The following SPECC1L variants were observed in gnomAD, a reference collection of about 807,000 sequenced individuals.
The protein encoded by SPECC1L is cytospin-A.
A neutral mutation model predicts 116.8 loss-of-function variants in SPECC1L; 40 were observed. The observed-to-expected ratio is 0.34, with a 90% CI of 0.27 to 0.45. The LOEUF (loss-of-function observed/expected upper bound fraction) is 0.45. Ranked by LOEUF, SPECC1L falls within the 20% of genes least tolerant of loss-of-function variation. SPECC1L has a pLI of 1.00. For synonymous variants in SPECC1L, 504 were observed against 500.6 expected (o/e 1.01, Z -0.09); for missense variants, 1,110 against 1,373.6 (o/e 0.81, Z 3.03).
At position 24,313,399 on chromosome 22, in the gene SPECC1L, A is replaced by G. The variant is rs201347077; in HGVS notation, c.240A>G (p.Pro80=). The part of the protein sequence containing the change: ...NGVKGKKSTC[P]SAAPSASAPA... ...TTAAAGGAAAGAAAAGCACCTGCCC[A>G]TCTGCAGCACCTTCAGCATCTGCCC... Residue 80 remains proline (P), a synonymous_variant, in exon 4 of 17, where the codon CCA becomes CCG. Transcript: ENST00000314328. The G allele has an allele frequency of 1.9e-6, 3 of 1,614,232 alleles. No homozygotes were observed. The African/African-American group carries it at 4.0e-5, about 22-fold the overall frequency.
chr22:24,408,103 T>A (rs2042626440), intron 14 of SPECC1L, among the ~76,000 whole-genome samples: 1 of 152,134 alleles, frequency 6.6e-6, no homozygotes, highest in African/African-American at 2.4e-5. Context: ...ACAGGATGCC[T>A]AGGGCAAGGG....
chr22:24,408,607 G>A (rs780253994), intron 14 of SPECC1L, among the ~76,000 whole-genome samples: 2 of 152,236 alleles, frequency 1.3e-5, no homozygotes, highest in Non-Finnish European at 2.9e-5. Flanking sequence ...CTCTTGGCAG[G>A]TTTGCGTTTC....
At chr22:24,339,612 C>T (rs2041130366) in intron 10 of SPECC1L, among the ~76,000 whole-genome samples, 1 of 152,128 alleles carries the variant, frequency 6.6e-6, no homozygotes, top group Admixed American at 6.5e-5. Context: ...TTGCCTAAAC[C>T]CCATTATCCT....
rs1035893296 is a variant in SPECC1L, at chr22:24,271,787, A to G, written c.-142+804A>G. On this transcript the variant is annotated intron_variant, in intron 1 of 16. Transcript: ENST00000314328. ...TGTTGATATCCTTGATCATTTGTCC[A>G]AGTACCAGAAGGGCGAGGAAAAGAT... is the stretch of plus-strand genomic sequence containing the variant. 5.9e-5 allele frequency among the ~76,000 whole-genome samples: 9 copies of G among 152,350 alleles called. No homozygotes were observed. In the South Asian group the frequency reaches 6.2e-4, roughly 11 times the overall value.
intron 14 of SPECC1L, among the ~76,000 whole-genome samples, chr22:24,411,224 G>T (rs1001925851): frequency 5.3e-5 from 8 of 151,840 alleles, no homozygotes; most frequent in African/African-American, 1.2e-4. Flanking sequence ...AACAAAAAAG[G>T]GGGGGTCATT....
At chr22:24,324,081 A>G in intron 5 of SPECC1L, 139 bp from the exon 6 acceptor site, 2 of 699,854 alleles carry the variant, frequency 2.9e-6, no homozygotes, top group Non-Finnish European at 5.1e-6. Flanking sequence ...ACTTTTTAAC[A>G]GTTATTACAC....
At chr22:24,277,658 T>G (rs2048862398) in intron 2 of SPECC1L, among the ~76,000 whole-genome samples, 1 of 152,258 alleles carries the variant, frequency 6.6e-6, no homozygotes, top group African/African-American at 2.4e-5. Flanking sequence ...GCTTTTTTCA[T>G]TTAGCAAAAT....
chr22:24,381,962 G>C (rs2042070631), intron 14 of SPECC1L, among the ~76,000 whole-genome samples: 1 of 152,112 alleles, frequency 6.6e-6, no homozygotes, highest in Non-Finnish European at 1.5e-5. Context: ...TGTTTAAATA[G>C]AAGTTAGGAA....
intron 4 of SPECC1L, among the ~76,000 whole-genome samples, chr22:24,319,784 A>G (rs192685740): frequency 2.4e-4 from 36 of 152,266 alleles, no homozygotes; most frequent in Middle Eastern, 6.8e-3. Context: ...ATCTCCCTCT[A>G]TCTGTGGAGA....
intron 14 of SPECC1L, among the ~76,000 whole-genome samples, chr22:24,383,175 A>G (rs1339317099): frequency 8.5e-5 from 13 of 152,246 alleles, no homozygotes; most frequent in Non-Finnish European, 4.4e-5. Flanking sequence ...CTTTAAATCT[A>G]ACTTCAAAAC....
chr22:24,331,418 A>G lies in SPECC1L; in HGVS notation c.2396+987A>G, dbSNP rs140591080. 4.1e-3 allele frequency among the ~76,000 whole-genome samples: 618 copies of G among 152,382 alleles called. 7 individuals are homozygous for G. The highest frequency in any genetic ancestry group is 0.014 in the African/African-American group (577 of 41,588). On this transcript the variant is annotated intron_variant, in intron 8 of 16. Coordinates refer to ENST00000314328, the MANE Select transcript of SPECC1L (RefSeq NM_015330.6). Reference sequence around the variant, plus strand: ...TATTGTTTCTCTACTAGTATAAAACATGTATTACATTACTTTTTTCTCTTT... The same window carrying G: ...TATTGTTTCTCTACTAGTATAAAACGTGTATTACATTACTTTTTTCTCTTT...
intron 14 of SPECC1L, among the ~76,000 whole-genome samples, chr22:24,401,834 A>G (rs1490295418): frequency 6.6e-6 from 1 of 152,190 alleles, no homozygotes; most frequent in African/African-American, 2.4e-5. Flanking sequence ...CACCACGTGA[A>G]TGAATGTCTC....
At chr22:24,271,475 C>T (rs1363576958) in intron 1 of SPECC1L, among the ~76,000 whole-genome samples, 1 of 152,268 alleles carries the variant, frequency 6.6e-6, no homozygotes, top group Non-Finnish European at 1.5e-5. Flanking sequence ...GGTGCTGCTT[C>T]TGCTGTGGCC....
In SPECC1L at chr22:24,302,237, G is replaced by A. The variant is rs1243973297; in HGVS notation, c.6G>A (p.Lys2=). The change falls in exon 3 of 17, where the codon AAG becomes AAA. Residue 2 remains lysine, a synonymous_variant. Coordinates refer to ENST00000314328, the MANE Select transcript of SPECC1L (RefSeq NM_015330.6). M[K]KASRSVGSVP... ...TCACGAAGAGGCAGCCCAGAATGAA[G>A]AAAGCAAGCAGGAGTGTTGGCTCAG... The A allele has an allele frequency of 1.3e-5, 21 of 1,614,062 alleles. No homozygotes were observed. The highest frequency in any genetic ancestry group is 1.7e-5 in the Non-Finnish European group (20 of 1,180,002).
intron 14 of SPECC1L, among the ~76,000 whole-genome samples, chr22:24,403,691 A>AT (rs1313700851): frequency 6.6e-6 from 1 of 152,254 alleles, no homozygotes; most frequent in African/African-American, 2.4e-5. Flanking sequence ...GACTTTCCTT[A>AT]TGCACTGAAA....
At chr22:24,410,898 T>G (rs1262453122) in intron 14 of SPECC1L, among the ~76,000 whole-genome samples, 1 of 152,144 alleles carries the variant, frequency 6.6e-6, no homozygotes, top group East Asian at 1.9e-4. Context: ...TTAAAGGTCA[T>G]TGATTACCGG....
At chr22:24,311,464 C>T (rs1186875162) in intron 3 of SPECC1L, among the ~76,000 whole-genome samples, 1 of 152,112 alleles carries the variant, frequency 6.6e-6, no homozygotes, top group Non-Finnish European at 1.5e-5. Context: ...TGTGTGACTT[C>T]GGCATCATAG....
chr22:24,348,471 A>G (rs1016651216), intron 11 of SPECC1L, among the ~76,000 whole-genome samples: 3 of 152,122 alleles, frequency 2.0e-5, no homozygotes, highest in African/African-American at 4.8e-5. Flanking sequence ...TTTAGGGGCA[A>G]TGGAGTACAA....
At chr22:24,370,967 A>G (rs1022504497) in intron 14 of SPECC1L, among the ~76,000 whole-genome samples, 1 of 152,214 alleles carries the variant, frequency 6.6e-6, no homozygotes, top group African/African-American at 2.4e-5. Flanking sequence ...GTTTTACAAA[A>G]TGAAAAAAGT....
Sources: gnomAD v4.1 joint callset for allele counts (sites outside exome capture counted in the v4.1 genomes callset) on GRCh38, gnomAD v4.1.1 for gene constraint, MANE v1.5 for transcripts, NCBI Gene and HGNC (gene_info 2026-07-23, HGNC 2026-07-21) for gene names.